Variants in DPP10 observed in about 807,000 individuals in gnomAD.
The protein encoded by DPP10 is inactive dipeptidyl peptidase 10.
Under a neutral mutation model 120.9 loss-of-function variants are expected in DPP10, and 33 were observed. That is an observed-to-expected ratio of 0.27 (90% CI 0.21 to 0.37). The LOEUF is 0.37. DPP10 is among the 10% of genes least tolerant of loss of function. The probability of loss-of-function intolerance (pLI) is 1.00; values close to 1 mark genes in which losing one functional copy is unlikely to be tolerated. For missense variants in DPP10, 816 were observed against 942.8 expected, an observed-to-expected ratio of 0.87 and a Z score of 1.76; for synonymous variants, 337 against 326.1, an observed-to-expected ratio of 1.03 and a Z score of -0.36.
intron 1 of DPP10, among the ~76,000 whole-genome samples, chr2:114,536,691 C>T (rs1373641553): frequency 6.6e-6 from 1 of 152,162 alleles, no homozygotes; most frequent in African/African-American, 2.4e-5. Flanking sequence ...AGGTGTGAGC[C>T]ACCATGCTTG....
At chr2:114,684,176 A>T (rs1399796372) in intron 1 of DPP10, among the ~76,000 whole-genome samples, 1 of 151,880 alleles carries the variant, frequency 6.6e-6, no homozygotes, top group African/African-American at 2.4e-5. Context: ...TTTATTTTTC[A>T]GGTAACCCTG....
chr2:115,420,826 T>C (rs1353521979), intron 3 of DPP10, among the ~76,000 whole-genome samples: 2 of 152,104 alleles, frequency 1.3e-5, no homozygotes, highest in Admixed American at 1.3e-4. Flanking sequence ...GAGTAGAAGA[T>C]GGGGGAAAAT....
At chr2:114,667,784 A>C (rs2105605893) in intron 1 of DPP10, among the ~76,000 whole-genome samples, 1 of 152,324 alleles carries the variant, frequency 6.6e-6, no homozygotes, top group South Asian at 2.1e-4. Flanking sequence ...TGCTAATAAG[A>C]ATGCAATCTA....
intron 1 of DPP10, among the ~76,000 whole-genome samples, chr2:114,825,584 A>G (rs1054412291): frequency 1.1e-4 from 16 of 152,250 alleles, no homozygotes; most frequent in Non-Finnish European, 2.2e-4. Context: ...CAGCTTAGGC[A>G]TAAACCGAAA....
chr2:115,127,985 T>G (rs1015996931), intron 1 of DPP10, among the ~76,000 whole-genome samples: 1 of 152,154 alleles, frequency 6.6e-6, no homozygotes, highest in East Asian at 1.9e-4. Context: ...TTGTGTTAGA[T>G]TTAAAAACAG....
rs185503442 is a variant in DPP10, at chr2:114,925,015, G to T, written c.61-384224G>T. The stretch of plus-strand genomic sequence containing the variant: ...TCACGAGGTCAGGAGTTTGAGACCA[G>T]CCTGGCTAACACGGTGAAACCCCGT... On this transcript the variant is annotated intron_variant, in intron 1 of 25. Coordinates refer to ENST00000410059, the MANE Select transcript of DPP10 (RefSeq NM_020868.6). 5.2e-3 allele frequency among the ~76,000 whole-genome samples: 790 copies of T among 152,164 alleles called. 2 individuals are homozygous for T. The highest frequency in any genetic ancestry group is 0.015 in the East Asian group (78 of 5,158).
intron 5 of DPP10, among the ~76,000 whole-genome samples, chr2:115,531,899 A>G (rs1030245749): frequency 6.6e-6 from 1 of 152,088 alleles, no homozygotes. Context: ...TGTTTTGTGT[A>G]TCTCTTATTT....
At chr2:115,285,367 C>T (rs992532135) in intron 1 of DPP10, among the ~76,000 whole-genome samples, 6 of 151,790 alleles carry the variant, frequency 4.0e-5, no homozygotes, top group South Asian at 2.1e-4. Context: ...ATCCAAAGGC[C>T]GGTAATAATG....
intron 2 of DPP10, among the ~76,000 whole-genome samples, chr2:115,329,754 A>G (rs987719185): frequency 6.6e-6 from 1 of 152,138 alleles, no homozygotes; most frequent in Admixed American, 6.6e-5. Context: ...TGTCCCTACA[A>G]AGGATATGAA....
At chr2:115,159,523 C>T (rs1228094277) in intron 1 of DPP10, among the ~76,000 whole-genome samples, 1 of 152,058 alleles carries the variant, frequency 6.6e-6, no homozygotes, top group Non-Finnish European at 1.5e-5. Context: ...GAACATCTTA[C>T]ACTGTAATTC....
chr2:115,725,583 A>G (rs1423478176), intron 7 of DPP10, among the ~76,000 whole-genome samples: 1 of 152,190 alleles, frequency 6.6e-6, no homozygotes, highest in African/African-American at 2.4e-5. Context: ...ATAGTTTTGG[A>G]TAATTTTTAC....
chr2:115,279,336 A>G (rs1421504862), intron 1 of DPP10, among the ~76,000 whole-genome samples: 1 of 152,178 alleles, frequency 6.6e-6, no homozygotes, highest in Non-Finnish European at 1.5e-5. Context: ...TGGAATGGAC[A>G]GGGAGAGTGT....
chr2:115,009,925 A>C (rs1039829573), intron 1 of DPP10, among the ~76,000 whole-genome samples: 1 of 152,200 alleles, frequency 6.6e-6, no homozygotes, highest in Admixed American at 6.5e-5. Flanking sequence ...TGGTATGATA[A>C]GTACTGTAAC....
intron 21 of DPP10, among the ~76,000 whole-genome samples, chr2:115,822,048 CT>C (rs751502387): frequency 6.6e-6 from 1 of 151,900 alleles, no homozygotes; most frequent in African/African-American, 2.4e-5. Flanking sequence ...TATCATCAGT[CT>C]TTTAAAATCA....
chr2:115,259,377 G>GGGA (rs1394754942), intron 1 of DPP10, among the ~76,000 whole-genome samples: 2 of 151,958 alleles, frequency 1.3e-5, no homozygotes, highest in African/African-American at 4.8e-5. Flanking sequence ...CCAGCTACTT[G>GGGA]GGAGGCTGAG....
In DPP10 at chr2:115,440,932, T is replaced by G. The variant is rs559795513; in HGVS notation, c.272-58578T>G. 1.5e-3 allele frequency: 227 copies of G among 152,312 alleles called. 2 individuals carry two copies. Among genetic ancestry groups the G allele is most frequent in the African/African-American group, 5.3e-3 (221 of 41,572 alleles). The allele number at this position is 152,312 out of a possible 1,614,324, so 9.4% of individuals were successfully genotyped here. A position where few individuals can be genotyped will look rare whatever the true frequency, so the allele number is the denominator to read the frequency against. ...TCCTTTGAAATGCTGAGGATCTGCT[T>G]ACACAGGTCAACTCCTGGCAGAAGC... On this transcript the variant is annotated intron_variant, in intron 3 of 25. Transcript: ENST00000410059.
At chr2:114,456,277 C>T (rs1678582619) in intron 1 of DPP10, among the ~76,000 whole-genome samples, 3 of 152,162 alleles carry the variant, frequency 2.0e-5, no homozygotes, top group South Asian at 4.1e-4. Context: ...AAACTAATTT[C>T]AAAGGATAGC....
chr2:115,716,269 A>G (rs1489377819), intron 7 of DPP10, among the ~76,000 whole-genome samples: 2 of 152,220 alleles, frequency 1.3e-5, no homozygotes, highest in African/African-American at 4.8e-5. Context: ...ACAACCCAAC[A>G]TGAATTACTG....
At chr2:114,623,994 T>C (rs543896397) in intron 1 of DPP10, among the ~76,000 whole-genome samples, 4 of 152,014 alleles carry the variant, frequency 2.6e-5, no homozygotes, top group Non-Finnish European at 5.9e-5. Context: ...ACTCATAGGA[T>C]TGTTAGAATG....
Sources: gnomAD v4.1 joint callset for allele counts (sites outside exome capture counted in the v4.1 genomes callset) on GRCh38, gnomAD v4.1.1 for gene constraint, MANE v1.5 for transcripts, NCBI Gene and HGNC (gene_info 2026-07-23, HGNC 2026-07-21) for gene names.